GRIA1: variants seen among roughly 807,000 people sequenced by gnomAD.
GRIA1 encodes glutamate ionotropic receptor AMPA type subunit 1, also known as glutamate receptor 1.
In GRIA1, 31 loss-of-function variants were observed where a neutral mutation model predicts 99.2. The ratio of observed to expected loss-of-function variants is 0.31; its 90% CI spans 0.23 to 0.42. GRIA1 has a LOEUF of 0.42. Ranked by LOEUF, GRIA1 falls within the 10% of genes least tolerant of loss-of-function variation. The pLI is 1.00. For missense variants in GRIA1, 782 were observed against 1,157.5 expected (o/e 0.68, Z 4.71); for synonymous variants, 438 against 432.4 (o/e 1.01, Z -0.16).
At chr5:153,553,446 G>A (rs577529612) in intron 2 of GRIA1, among the ~76,000 whole-genome samples, 1 of 152,172 alleles carries the variant, frequency 6.6e-6, no homozygotes, top group Non-Finnish European at 1.5e-5. Context: ...AGGGTTAACG[G>A]GGAGACTTGA....
intron 2 of GRIA1, among the ~76,000 whole-genome samples, chr5:153,516,005 G>A (rs1168579230): frequency 1.3e-5 from 2 of 152,114 alleles, no homozygotes; most frequent in Non-Finnish European, 2.9e-5. Flanking sequence ...CGGATCATGA[G>A]GTCAGGAGAT....
chr5:153,575,195 G>C (rs1581252669), intron 2 of GRIA1, among the ~76,000 whole-genome samples: 1 of 99,156 alleles, frequency 1.0e-5, no homozygotes, highest in African/African-American at 4.0e-5. Context: ...AATCAAGAGA[G>C]AAAGAGAGAG....
chr5:153,626,215 T>C (rs1431064371), intron 2 of GRIA1, among the ~76,000 whole-genome samples: 2 of 152,094 alleles, frequency 1.3e-5, no homozygotes. Flanking sequence ...TCTAGATGAT[T>C]TTAAATAGGA....
chr5:153,559,143 C>T (rs752457321), intron 2 of GRIA1, among the ~76,000 whole-genome samples: 10 of 152,180 alleles, frequency 6.6e-5, no homozygotes, highest in South Asian at 2.1e-4. Context: ...TCCTAGACAA[C>T]GCCATGCAAG....
intron 2 of GRIA1, among the ~76,000 whole-genome samples, chr5:153,573,555 T>C (rs957073341): frequency 1.3e-5 from 2 of 152,026 alleles, no homozygotes; most frequent in Non-Finnish European, 2.9e-5. Flanking sequence ...GGGTGAGGGA[T>C]CTAGTTCCAA....
chr5:153,607,996 ATGTCT>A (rs1765604944), intron 2 of GRIA1, among the ~76,000 whole-genome samples: 1 of 151,944 alleles, frequency 6.6e-6, no homozygotes, highest in Non-Finnish European at 1.5e-5. Context: ...TTGCATCAAA[ATGTCT>A]TTATTTTACA....
chr5:153,685,321 C>T (rs1757266406), intron 7 of GRIA1, among the ~76,000 whole-genome samples: 1 of 152,194 alleles, frequency 6.6e-6, no homozygotes, highest in South Asian at 2.1e-4. Flanking sequence ...TACAGAGCAG[C>T]AAGCTCAACC....
At chr5:153,665,564 A>G (rs946644376) in intron 5 of GRIA1, among the ~76,000 whole-genome samples, 2 of 152,236 alleles carry the variant, frequency 1.3e-5, no homozygotes, top group Non-Finnish European at 2.9e-5. Context: ...ATGCAGAGAC[A>G]TGGGTATTTG....
intron 2 of GRIA1, among the ~76,000 whole-genome samples, chr5:153,580,718 T>A (rs957149393): frequency 6.6e-6 from 1 of 152,180 alleles, no homozygotes; most frequent in Non-Finnish European, 1.5e-5. Flanking sequence ...GGGGGTCAGC[T>A]GCAGAGAAGC....
chr5:153,763,250 G>GTT (rs1330963368), intron 11 of GRIA1, among the ~76,000 whole-genome samples: 1 of 152,192 alleles, frequency 6.6e-6, no homozygotes, highest in Admixed American at 6.5e-5. Context: ...ACAGATAAGG[G>GTT]TTTTGCAAGC....
chr5:153,614,573 G>T (rs929669347), intron 2 of GRIA1, among the ~76,000 whole-genome samples: 1 of 152,162 alleles, frequency 6.6e-6, no homozygotes, highest in Admixed American at 6.5e-5. Flanking sequence ...TGTAACCCAG[G>T]CATTGACTCC....
At chr5:153,551,980 C>T (rs1409531020) in intron 2 of GRIA1, among the ~76,000 whole-genome samples, 2 of 152,146 alleles carry the variant, frequency 1.3e-5, no homozygotes, top group East Asian at 3.9e-4. Context: ...GAAGCAGTCA[C>T]ATGCTCTATT....
intron 2 of GRIA1, among the ~76,000 whole-genome samples, chr5:153,558,323 C>A (rs1428250186): frequency 6.6e-6 from 1 of 152,086 alleles, no homozygotes; most frequent in Non-Finnish European, 1.5e-5. Flanking sequence ...CATTTAACCA[C>A]CATTATAATC....
chr5:153,545,258 C>T lies in GRIA1; in HGVS notation c.220+51193C>T, dbSNP rs564382253. Among the ~76,000 whole-genome samples the T allele has an allele frequency of 5.3e-5, 8 of 152,132 alleles. No homozygotes were observed. The East Asian group carries it at 9.7e-4, about 18-fold the overall frequency. On this transcript the variant is annotated intron_variant, in intron 2 of 15. Transcript: ENST00000285900. ...GAAAGGTTGCAAAATTGAGGGAGAA[C>T]GACAGTTATGATAGTTCAGTATAAC...
chr5:153,647,818 T>C (rs1228961638), intron 3 of GRIA1, among the ~76,000 whole-genome samples: 1 of 152,206 alleles, frequency 6.6e-6, no homozygotes, highest in Non-Finnish European at 1.5e-5. Flanking sequence ...CTTTTTCTTC[T>C]CTATGTCTTT....
In GRIA1 at chr5:153,811,115, G is replaced by A. The variant is rs139089198; in HGVS notation, c.2611G>A (p.Gly871Ser). ...RNSGAGASSG[G>S]SGENGRVVSH... ...CAGCGGGGCAGGAGCCAGCAGCGGC[G>A]GCAGTGGAGAGAATGGTCGGGTGGT... The change falls in exon 16 of 16, where the codon GGC becomes AGC. Residue 871 changes from glycine (G) to serine (S), a missense_variant. By Grantham distance (56) the Gly-to-Ser change is moderately conservative. Coordinates refer to ENST00000285900, the MANE Select transcript of GRIA1 (RefSeq NM_000827.4). The A allele has an allele frequency of 1.9e-6, 3 of 1,614,050 alleles. No individual in the cohort carries two copies. The highest frequency in any genetic ancestry group is 2.2e-5 in the East Asian group (1 of 44,852).
At chr5:153,568,592 G>A (rs183869629) in intron 2 of GRIA1, among the ~76,000 whole-genome samples, 5 of 151,748 alleles carry the variant, frequency 3.3e-5, no homozygotes. Flanking sequence ...TCTTTCTTTG[G>A]CTCACAGCAA....
intron 2 of GRIA1, among the ~76,000 whole-genome samples, chr5:153,572,064 T>C (rs1430097149): frequency 6.6e-6 from 1 of 152,226 alleles, no homozygotes; most frequent in Non-Finnish European, 1.5e-5. Context: ...AGTGCTCTAG[T>C]GGTTGTCTAA....
At chr5:153,555,016 A>G (rs989045548) in intron 2 of GRIA1, among the ~76,000 whole-genome samples, 1 of 152,154 alleles carries the variant, frequency 6.6e-6, no homozygotes. Flanking sequence ...TTGAGAACAC[A>G]TGGGTTCCTT....
Sources: allele counts gnomAD v4.1 joint callset (sites outside exome capture counted in the v4.1 genomes callset), GRCh38; gene constraint gnomAD v4.1.1; transcripts MANE v1.5; gene names NCBI Gene and HGNC (gene_info 2026-07-23, HGNC 2026-07-21).